The following UNK variants were observed in gnomAD, a reference collection of about 807,000 sequenced individuals.
UNK encodes unk zinc finger, also known as RING finger protein unkempt homolog.
UNK carries 32 observed loss-of-function variants against 97.6 expected under a neutral mutation model. The observed-to-expected ratio is 0.33, with a 90% CI of 0.25 to 0.44. The LOEUF is 0.44. Ranked by LOEUF, UNK falls within the 20% of genes least tolerant of loss-of-function variation. The pLI, the probability that UNK is intolerant of heterozygous loss-of-function variation, is 1.00. For missense variants in UNK, 771 were observed against 1,098.4 expected (o/e 0.70, Z 4.21); for synonymous variants, 441 against 461.2 (o/e 0.96, Z 0.56).
At chr17:75,811,967 A>G in intron 2 of UNK, 145 bp from the exon 3 acceptor site, 1 of 1,015,234 alleles carries the variant, frequency 9.8e-7, no homozygotes, top group African/African-American at 1.6e-5. Context: ...GCCTGGCGAC[A>G]GAGCAAGACT....
chr17:75,823,137 C>G (rs2062084217), intron 14 of UNK, 128 bp from the exon 15 acceptor site: 1 of 1,429,270 alleles, frequency 7.0e-7, no homozygotes, highest in African/African-American at 1.4e-5. Context: ...CCTCCTTGCC[C>G]TCCTCCCAGA....
At chr17:75,794,915 A>G (rs1362114028) in intron 1 of UNK, among the ~76,000 whole-genome samples, 1 of 152,208 alleles carries the variant, frequency 6.6e-6, no homozygotes, top group Non-Finnish European at 1.5e-5. Context: ...CTCCGCCATT[A>G]TTTGAACAGG....
intron 1 of UNK, among the ~76,000 whole-genome samples, chr17:75,805,810 A>ATGTGTGTGTGTGTGTGTGTGTGTGTGTG (rs61000364): frequency 1.4e-5 from 2 of 145,294 alleles, no homozygotes; most frequent in African/African-American, 2.6e-5. Flanking sequence ...AAAAAGAAAA[A>ATGTGTGTGTGTGTGTGTGTGTGTGTGTG]TGTGTGTGTG....
Position 75,812,107 on chromosome 17 carries a change from T to A in UNK, c.315-5T>A. The A allele has an allele frequency of 6.3e-7, 1 of 1,592,656 alleles. No homozygotes were observed. Among genetic ancestry groups the A allele is most frequent in the Non-Finnish European group, 8.6e-7 (1 of 1,166,438 alleles). On this transcript the variant is annotated splice_polypyrimidine_tract_variant and splice_region_variant and intron_variant, in intron 2 of 15. Transcript: ENST00000589666. ...AGTTGAGTGACCCCCACTACCGTGT[T>A]CCAGGTGCCCATTCCTGCACAGAAC...
Position 75,817,498 on chromosome 17 carries a change from C to T in UNK, c.1277C>T (p.Ala426Val), listed in dbSNP as rs777621241. The change falls in exon 9 of 16, where the codon GCC (alanine) becomes GTC (valine). Residue 426 changes from alanine (A) to valine (V), a missense_variant. By Grantham distance (64) the Ala-to-Val change is moderately conservative. Around this residue, in one of 5 missense-constraint regions of UNK, gnomAD observed 192 missense variants for 202.4 expected, o/e 0.95. Transcript: ENST00000589666. This position sits in a 1 kb window ranked among gnomAD's most constrained non-coding sequence, Gnocchi z 5.8. ...PGFEREDQVG[A>V]EYLKNFKCQA... ...TTCGAGAGGGAAGACCAGGTGGGAG[C>T]CGAGTACCTGAAAAATTTCAAATGC... The T allele has an allele frequency of 6.2e-7, 1 of 1,610,740 alleles. No individual in the cohort carries two copies. Among genetic ancestry groups the T allele is most frequent in the East Asian group, 2.2e-5 (1 of 44,792 alleles).
intron 7 of UNK, among the ~76,000 whole-genome samples, chr17:75,815,843 G>C (rs1194298919): frequency 2.7e-5 from 4 of 145,850 alleles, no homozygotes; most frequent in Admixed American, 2.1e-4. Flanking sequence ...CCGAGATCAT[G>C]CCGCCGCACT....
At chr17:75,800,058 A>G (rs953957708) in intron 1 of UNK, among the ~76,000 whole-genome samples, 7 of 152,178 alleles carry the variant, frequency 4.6e-5, no homozygotes, top group African/African-American at 1.7e-4. Flanking sequence ...TTTAAGGCCC[A>G]CAAGGTAAGA....
At chr17:75,796,925 G>A (rs766244553) in intron 1 of UNK, among the ~76,000 whole-genome samples, 3 of 152,130 alleles carry the variant, frequency 2.0e-5, no homozygotes, top group Non-Finnish European at 2.9e-5. Flanking sequence ...TTGATAAGCC[G>A]TGAATTATGA....
intron 1 of UNK, among the ~76,000 whole-genome samples, chr17:75,792,953 G>A (rs1321140505): frequency 6.6e-6 from 1 of 152,248 alleles, no homozygotes; most frequent in African/African-American, 2.4e-5. Context: ...CCTGTGGTTT[G>A]CGCAAAGCTC....
chr17:75,819,343 G>C lies in UNK; in HGVS notation c.1547-341G>C. 1 of 333,054 alleles carries C rather than the reference G, an allele frequency of 3.0e-6. No individual in the cohort carries two copies. The highest frequency in any genetic ancestry group is 5.6e-6 in the Non-Finnish European group (1 of 177,992). 20.6% of individuals were successfully genotyped at this position (333,054 alleles called of 1,614,324 possible). A position where few individuals can be genotyped will look rare whatever the true frequency, so the allele number is the denominator to read the frequency against. Reference sequence around the variant, plus strand: ...CCAGCCACTGAGTGCCCAGAGACCCGCCCACCCCCACTGATCCCGGGGCTG... The same window carrying C: ...CCAGCCACTGAGTGCCCAGAGACCCCCCCACCCCCACTGATCCCGGGGCTG... On this transcript the variant is annotated intron_variant, in intron 11 of 15. Coordinates refer to ENST00000589666, the MANE Select transcript of UNK (RefSeq NM_001080419.3). The surrounding 1 kb of genome is among the most constrained non-coding windows in gnomAD (Gnocchi z 5.4).
rs1343262400 is a variant in UNK at position 75,818,158 on chromosome 17, A to C, written c.1361A>C (p.Gln454Pro). ...AGGAGTCAAGAGCAGCCTCTGCTTC[A>C]GCCCAAACAGGTATAGAGCTCTCAG... is the stretch of plus-strand genomic sequence containing the variant. Reference protein sequence around the residue: ...EPRSQEQPLLQPKQDMLGILP... With the variant: ...EPRSQEQPLLPPKQDMLGILP... The change falls in exon 10 of 16, where the codon CAG becomes CCG. Residue 454 changes from glutamine (Q) to proline (P), a missense_variant. Gln to Pro is a moderately conservative substitution (Grantham distance 76). This residue lies in a region of UNK where 192 missense variants were observed against 202.4 expected (regional missense o/e 0.95). Coordinates refer to ENST00000589666, the MANE Select transcript of UNK (RefSeq NM_001080419.3). This position sits in a 1 kb window ranked among gnomAD's most constrained non-coding sequence, Gnocchi z 5.1. The C allele has an allele frequency of 6.2e-7, 1 of 1,613,462 alleles. No homozygotes were observed. Among genetic ancestry groups the C allele is most frequent in the Non-Finnish European group, 8.5e-7 (1 of 1,179,778 alleles).
Position 75,785,007 on chromosome 17 carries a change from C to T in UNK, c.104+23C>T, listed in dbSNP as rs1039438829. The T allele has an allele frequency of 5.3e-5, 65 of 1,225,380 alleles. 1 individual carries two copies. The highest frequency in any genetic ancestry group is 6.7e-5 in the Non-Finnish European group (63 of 940,958). 75.9% of individuals were successfully genotyped at this position (1,225,380 alleles called of 1,614,324 possible). A position where few individuals can be genotyped will look rare whatever the true frequency, so the allele number is the denominator to read the frequency against. On this transcript the variant is annotated intron_variant, in intron 1 of 15. Coordinates refer to ENST00000589666, the MANE Select transcript of UNK (RefSeq NM_001080419.3). ...CACGTACGTAGAGCCCCCCCCCCCC[C>T]GCCGCGCGCGCACGCCTGACGTCAG...
intron 14 of UNK, 21 bp downstream of exon 14, chr17:75,822,679 C>T (rs1330156122): frequency 5.1e-6 from 8 of 1,572,660 alleles, no homozygotes; most frequent in East Asian, 2.3e-5. Flanking sequence ...CCGTGCCTGC[C>T]GGCCTTCCCC....
chr17:75,809,791 CCA>C lies in UNK; in HGVS notation c.138_139del (p.Phe48CysfsTer39). 6.2e-7 allele frequency: 1 copy of C among 1,612,646 alleles called. No homozygotes were observed. The highest frequency in any genetic ancestry group is 8.5e-7 in the Non-Finnish European group (1 of 1,179,356). On this transcript the variant is annotated frameshift_variant, in exon 2 of 16. Coordinates refer to ENST00000589666, the MANE Select transcript of UNK (RefSeq NM_001080419.3). LOFTEE classifies it high-confidence loss of function. ...GAAAGAATTCCGCACAGAGCAGTGC[CCA>C]CTCTTTGTGCAACACAAATGCACGC... ...YLKEFRTEQC[P>X]LFVQHKCTQH...
At position 75,823,536 on chromosome 17, in the gene UNK, G is replaced by T. The variant is rs769988459; in HGVS notation, c.2277+14G>T. On this transcript the variant is annotated intron_variant, in intron 15 of 15. Transcript: ENST00000589666. ...CAAGTGGACAAGGTCAGCCCAGGTC[G>T]GGGAGCACTGGGTGGGATGCACGGT... The T allele has an allele frequency of 6.5e-7, 1 of 1,528,604 alleles. No homozygotes were observed. The highest frequency in any genetic ancestry group is 2.0e-5 in the Admixed American group (1 of 51,268). 94.7% of individuals were successfully genotyped at this position (1,528,604 alleles called of 1,614,324 possible).
Position 75,796,320 on chromosome 17 carries a change from C to CTT in UNK, c.104+11351_104+11352dup, listed in dbSNP as rs67667491. On this transcript the variant is annotated intron_variant, in intron 1 of 15. Transcript: ENST00000589666. Reference sequence around the variant, plus strand: ...GTCAGATCCATCCAAATATTTAAAGCTTTTTTTTTTTTTTTTGAGATATGG... The same window carrying CTT: ...GTCAGATCCATCCAAATATTTAAAGCTTTTTTTTTTTTTTTTTTGAGATATGG... 5.3e-3 allele frequency among the ~76,000 whole-genome samples: 726 copies of CTT among 137,344 alleles called. 4 individuals carry two copies. The highest frequency in any genetic ancestry group is 0.017 in the African/African-American group (644 of 37,244). 90.1% of individuals were successfully genotyped at this position (137,344 alleles called of 152,430 possible).
intron 5 of UNK, among the ~76,000 whole-genome samples, chr17:75,813,415 C>A (rs1214162757): frequency 1.3e-5 from 2 of 152,174 alleles, no homozygotes; most frequent in Non-Finnish European, 2.9e-5. Flanking sequence ...TGAATGAGGA[C>A]CCTGGTCAGA....
Position 75,812,605 on chromosome 17 carries a change from G to T in UNK, c.622+20G>T. On this transcript the variant is annotated intron_variant, in intron 4 of 15. Transcript: ENST00000589666. ...GGCAAGGTACAGGCATCCACACCTC[G>T]GCCGCGCCCTCCCTATAATCCTGCT... 6.2e-7 allele frequency: 1 copy of T among 1,609,330 alleles called. No individual in the cohort carries two copies. Among genetic ancestry groups the T allele is most frequent in the South Asian group, 1.1e-5 (1 of 90,430 alleles).
In UNK at chr17:75,824,741, G is replaced by A. The variant is rs117326202; in HGVS notation, c.*324G>A. ...TCCCTGCCCTTCCCACTGCAGAGAT[G>A]ACATCCCCTCTTCTCCCACTGGCCT... On this transcript the variant is annotated 3_prime_UTR_variant, in exon 16 of 16. Coordinates refer to ENST00000589666, the MANE Select transcript of UNK (RefSeq NM_001080419.3). This position sits in a 1 kb window ranked among gnomAD's most constrained non-coding sequence, Gnocchi z 4.9. 3.0e-3 allele frequency: 459 copies of A among 155,268 alleles called. 8 individuals carry two copies. The highest frequency in any genetic ancestry group is 0.024 in the East Asian group (130 of 5,352). The allele number at this position is 155,268 out of a possible 1,614,324, so 9.6% of individuals were successfully genotyped here.
Sources: gnomAD v4.1 joint callset for allele counts (sites outside exome capture counted in the v4.1 genomes callset) on GRCh38, gnomAD v4.1.1 for gene constraint, gnomAD v4.1.1 regional missense constraint, Gnocchi (gnomAD v3.1) non-coding constraint, MANE v1.5 for transcripts, NCBI Gene and HGNC (gene_info 2026-07-23, HGNC 2026-07-21) for gene names.